The following ITGB5 variants were observed in gnomAD, a reference collection of about 807,000 sequenced individuals.
ITGB5 encodes the protein integrin subunit beta 5.
ITGB5 carries 38 observed loss-of-function variants against 84.8 expected under a neutral mutation model. That is an observed-to-expected ratio of 0.45 (90% confidence interval 0.35 to 0.59). The LOEUF (loss-of-function observed/expected upper bound fraction) is 0.59, where lower values mean the gene tolerates loss of function less well. ITGB5 is among the 20% of genes least tolerant of loss of function. ITGB5 has a pLI of 0.01. For synonymous variants in ITGB5, 393 were observed against 414.4 expected (o/e 0.95, Z 0.63); for missense variants, 905 against 1,034.5 (o/e 0.87, Z 1.72).
chr3:124,864,546 T>C (rs848802), intron 2 of ITGB5, among the ~76,000 whole-genome samples: 127,302 of 152,052 alleles, frequency 0.84, 53,567 homozygotes, highest in African/African-American at 0.92. Context: ...AACCAAATAC[T>C]ACGTTTTCCC....
chr3:124,781,036 C>G (rs1345541452), intron 10 of ITGB5: 1 of 152,370 alleles, frequency 6.6e-6, no homozygotes, highest in Non-Finnish European at 1.5e-5. Flanking sequence ...TCGCTGGTGT[C>G]TGTGTGGCTG....
At chr3:124,881,883 G>A (rs753555112) in intron 1 of ITGB5, among the ~76,000 whole-genome samples, 1 of 152,068 alleles carries the variant, frequency 6.6e-6, no homozygotes, top group Non-Finnish European at 1.5e-5. Flanking sequence ...CAGGAGAATC[G>A]CTTGAACCTG....
chr3:124,883,891 G>C (rs76656145), intron 1 of ITGB5, among the ~76,000 whole-genome samples: 1 of 152,110 alleles, frequency 6.6e-6, no homozygotes, highest in African/African-American at 2.4e-5. Flanking sequence ...ATAATAAAAA[G>C]AGCAGGAGAT....
chr3:124,810,967 T>C (rs577731823), intron 8 of ITGB5, among the ~76,000 whole-genome samples: 4 of 152,156 alleles, frequency 2.6e-5, no homozygotes, highest in East Asian at 3.9e-4. Context: ...GTGCTAAAGT[T>C]GAATAAGTGA....
At chr3:124,892,854 A>C (rs1251514598) in intron 1 of ITGB5, among the ~76,000 whole-genome samples, 1 of 152,182 alleles carries the variant, frequency 6.6e-6, no homozygotes, top group Admixed American at 6.5e-5. Context: ...ATGTTGGGCA[A>C]TTCAATTTTA....
intron 7 of ITGB5, among the ~76,000 whole-genome samples, chr3:124,818,913 G>C (rs997747720): frequency 1.3e-5 from 2 of 152,116 alleles, no homozygotes; most frequent in Admixed American, 6.5e-5. Context: ...AGCTGTTCTG[G>C]GGGTGGAGGG....
intron 1 of ITGB5, among the ~76,000 whole-genome samples, chr3:124,896,710 G>C (rs1397248123): frequency 7.2e-6 from 1 of 139,624 alleles, no homozygotes; most frequent in Non-Finnish European, 1.5e-5. Flanking sequence ...GCACCACTCT[G>C]TACTCCATCC....
chr3:124,864,167 A>G (rs1048391737), intron 2 of ITGB5, among the ~76,000 whole-genome samples: 2 of 129,488 alleles, frequency 1.5e-5, no homozygotes, highest in Non-Finnish European at 1.5e-5. Flanking sequence ...GAGTGCAGTG[A>G]CACGATCTCA....
chr3:124,882,372 T>C (rs1338985390), intron 1 of ITGB5, among the ~76,000 whole-genome samples: 1 of 152,044 alleles, frequency 6.6e-6, no homozygotes, highest in Non-Finnish European at 1.5e-5. Context: ...AGGGAGGAGG[T>C]TGCAGCTTTA....
chr3:124,819,506 C>A (rs971118663), intron 7 of ITGB5, among the ~76,000 whole-genome samples: 1 of 152,184 alleles, frequency 6.6e-6, no homozygotes, highest in African/African-American at 2.4e-5. Context: ...GGAATTCATG[C>A]TATTTTCAAG....
intron 10 of ITGB5, among the ~76,000 whole-genome samples, chr3:124,796,166 T>C (rs1490487838): frequency 1.3e-5 from 2 of 152,180 alleles, no homozygotes; most frequent in African/African-American, 4.8e-5. Flanking sequence ...CCCCTCGAAT[T>C]CTGAGAGTCC....
At chr3:124,811,152 G>A (rs780527818) in intron 8 of ITGB5, among the ~76,000 whole-genome samples, 3 of 152,052 alleles carry the variant, frequency 2.0e-5, no homozygotes, top group South Asian at 2.1e-4. Context: ...TCACAAAAGC[G>A]CCACTCAATA....
At chr3:124,834,670 G>A (rs550718206) in intron 5 of ITGB5, among the ~76,000 whole-genome samples, 1 of 128,938 alleles carries the variant, frequency 7.8e-6, no homozygotes, top group African/African-American at 2.9e-5. Flanking sequence ...GGAGGGAGGG[G>A]AGGGAGGAAA....
At chr3:124,779,806 TGGC>T (rs2063976919) in intron 10 of ITGB5, among the ~76,000 whole-genome samples, 1 of 152,120 alleles carries the variant, frequency 6.6e-6, no homozygotes, top group Non-Finnish European at 1.5e-5. Context: ...TGCCTTATCA[TGGC>T]GGGGTGTGGG....
chr3:124,867,137 G>C (rs1282985667), intron 2 of ITGB5, among the ~76,000 whole-genome samples: 1 of 151,948 alleles, frequency 6.6e-6, no homozygotes, highest in East Asian at 1.9e-4. Flanking sequence ...CCCAGGCAAA[G>C]ACCGCTCACC....
chr3:124,762,512 G>GA lies in ITGB5; in HGVS notation c.*1110dup, dbSNP rs2063709372. 1 of 152,180 alleles carries GA rather than the reference G, an allele frequency of 6.6e-6. No homozygotes were observed. The highest frequency in any genetic ancestry group is 2.1e-4 in the South Asian group (1 of 4,832). The allele number at this position is 152,180 out of a possible 1,614,324, so 9.4% of individuals were successfully genotyped here. ...TTAAGGGGACTTCATGGCCCTGCGG[G>GA]AAAAAAGCTCAAATGTGTTTTTTTG... On this transcript the variant is annotated 3_prime_UTR_variant, in exon 15 of 15. Coordinates refer to ENST00000296181, the MANE Select transcript of ITGB5 (RefSeq NM_002213.5).
chr3:124,871,547 C>T (rs920399699), intron 2 of ITGB5, among the ~76,000 whole-genome samples: 1 of 152,102 alleles, frequency 6.6e-6, no homozygotes, highest in Non-Finnish European at 1.5e-5. Flanking sequence ...AAGGAGGGGC[C>T]GGGCATGGTG....
At chr3:124,841,302 T>G in intron 5 of ITGB5, 81 bp downstream of exon 5, 1 of 1,386,156 alleles carries the variant, frequency 7.2e-7, no homozygotes, top group South Asian at 1.4e-5. Flanking sequence ...ACTCAAAGAC[T>G]CCTGCAGGAA....
At chr3:124,848,245 A>C in intron 4 of ITGB5, 64 bp downstream of exon 4, 1 of 1,577,542 alleles carries the variant, frequency 6.3e-7, no homozygotes, top group Admixed American at 1.7e-5. Flanking sequence ...CTTTGAGCTA[A>C]ATTTTCCTGC....
Sources: allele counts gnomAD v4.1 joint callset (sites outside exome capture counted in the v4.1 genomes callset), GRCh38; gene constraint gnomAD v4.1.1; transcripts MANE v1.5; gene names NCBI Gene and HGNC (gene_info 2026-07-23, HGNC 2026-07-21).